ZNF326: variants seen among roughly 807,000 people sequenced by gnomAD.
ZNF326 encodes the protein DBIRD complex subunit ZNF326.
In ZNF326, 30 loss-of-function variants were observed where a neutral mutation model predicts 63.1. The ratio of observed to expected loss-of-function variants is 0.48; its 90% CI spans 0.36 to 0.64. The LOEUF is 0.64. ZNF326 is among the 30% of genes least tolerant of loss of function. ZNF326 has a pLI of 0.00. For missense variants in ZNF326, 609 were observed against 720.3 expected, an observed-to-expected ratio of 0.85 and a Z score of 1.77; for synonymous variants, 194 against 228.2, an observed-to-expected ratio of 0.85 and a Z score of 1.35.
chr1:90,025,078 A>G (rs1336949570), intron 11 of ZNF326, among the ~76,000 whole-genome samples: 1 of 144,198 alleles, frequency 6.9e-6, no homozygotes, highest in Non-Finnish European at 1.5e-5. Context: ...GGCCCACCCT[A>G]TTTTATCATC....
chr1:90,035,372 A>G lies in ZNF326; in HGVS notation c.*7671A>G, dbSNP rs1650440185. The G allele has an allele frequency of 1.3e-5, 2 of 152,226 alleles. No individual in the cohort carries two copies. The highest frequency in any genetic ancestry group is 2.9e-5 in the Non-Finnish European group (2 of 68,014). 9.4% of individuals were successfully genotyped at this position (152,226 alleles called of 1,614,324 possible). A position where few individuals can be genotyped will look rare whatever the true frequency, so the allele number is the denominator to read the frequency against. ...TCTGTACTATATAGAAAATCTGTAT[A>G]TAGAATATAGCATTGGCCAATTGGA... On this transcript the variant is annotated 3_prime_UTR_variant, in exon 12 of 12. Coordinates refer to ENST00000340281, the MANE Select transcript of ZNF326 (RefSeq NM_182976.4).
At chr1:90,003,881 CATT>C (rs1331832312) in intron 2 of ZNF326, among the ~76,000 whole-genome samples, 2 of 151,826 alleles carry the variant, frequency 1.3e-5, no homozygotes, top group South Asian at 2.1e-4. Context: ...TTATTGTTGT[CATT>C]ATTGTTGGGA....
chr1:90,001,554 A>ATT (rs879277848), intron 2 of ZNF326, among the ~76,000 whole-genome samples: 6 of 58,446 alleles, frequency 1.0e-4, no homozygotes, highest in Non-Finnish European at 1.8e-4. Context: ...GTCAGTTTTT[A>ATT]ATTTTTTTTT....
intron 9 of ZNF326, 132 bp from the exon 10 acceptor site, chr1:90,020,660 C>T (rs1649724558): frequency 1.3e-6 from 1 of 783,744 alleles, no homozygotes; most frequent in Non-Finnish European, 2.0e-6. Flanking sequence ...AAATACTCAG[C>T]ATAAACCTAT....
intron 2 of ZNF326, among the ~76,000 whole-genome samples, 197 bp downstream of exon 2, chr1:89,998,351 AT>A (rs199584280): frequency 6.7e-5 from 10 of 149,168 alleles, no homozygotes; most frequent in South Asian, 2.1e-4. Flanking sequence ...CATTAGTTTG[AT>A]TTTTTTTTTG....
At chr1:89,997,907 A>G (rs1290774416) in intron 1 of ZNF326, among the ~76,000 whole-genome samples, 1 of 152,166 alleles carries the variant, frequency 6.6e-6, no homozygotes, top group Non-Finnish European at 1.5e-5. Context: ...TAAACCTACC[A>G]TTTGGGGAGA....
At position 90,005,197 on chromosome 1, in the gene ZNF326, C is replaced by A; in HGVS notation, c.162C>A (p.Asn54Lys). 1 of 1,613,964 alleles carries A rather than the reference C, an allele frequency of 6.2e-7. No individual in the cohort carries two copies. The highest frequency in any genetic ancestry group is 1.1e-5 in the South Asian group (1 of 91,080). The change falls in exon 4 of 12, where the codon AAC (asparagine) becomes AAA (lysine). Residue 54 changes from asparagine to lysine, a missense_variant. Coordinates refer to ENST00000340281, the MANE Select transcript of ZNF326 (RefSeq NM_182976.4). ...GGQRSMDSYL[N>K]QSYGMDNHSG... The stretch of plus-strand genomic sequence containing the variant: ...AGAGATCCATGGATTCCTACCTAAA[C>A]CAGTCATATGGCATGGACAATCACA...
intron 11 of ZNF326, among the ~76,000 whole-genome samples, chr1:90,023,518 C>A (rs1050921224): frequency 1.3e-5 from 2 of 151,932 alleles, no homozygotes; most frequent in South Asian, 2.1e-4. Flanking sequence ...ATCTAATATT[C>A]GTTAATATTT....
intron 9 of ZNF326, 94 bp downstream of exon 9, chr1:90,018,878 AG>A (rs1302527475): frequency 9.2e-6 from 6 of 653,676 alleles, no homozygotes; most frequent in Non-Finnish European, 1.5e-5. Flanking sequence ...AGAGTGATAT[AG>A]TACAGTCATA....
rs1396882227 is a variant in ZNF326 at position 90,034,596 on chromosome 1, CAA to C, written c.*6900_*6901del. Reference sequence around the variant, plus strand: ...ATCCTGTCATCACAATGCAATGAAACAAAAAATTAGCAAGTGGATAGCAATAA... The same window carrying C: ...ATCCTGTCATCACAATGCAATGAAACAAAATTAGCAAGTGGATAGCAATAA... On this transcript the variant is annotated 3_prime_UTR_variant, in exon 12 of 12. Coordinates refer to ENST00000340281, the MANE Select transcript of ZNF326 (RefSeq NM_182976.4). The C allele has an allele frequency of 1.3e-5, 2 of 151,780 alleles. No individual in the cohort carries two copies. The highest frequency in any genetic ancestry group is 4.8e-5 in the African/African-American group (2 of 41,330). 9.4% of individuals were successfully genotyped at this position (151,780 alleles called of 1,614,324 possible).
At chr1:89,996,323 AT>A (rs1648372437) in intron 1 of ZNF326, among the ~76,000 whole-genome samples, 1 of 152,230 alleles carries the variant, frequency 6.6e-6, no homozygotes. Flanking sequence ...CACCAAAAAA[AT>A]GATCTTTAAA....
At chr1:90,023,606 G>A (rs560171947) in intron 11 of ZNF326, among the ~76,000 whole-genome samples, 1 of 152,232 alleles carries the variant, frequency 6.6e-6, no homozygotes, top group East Asian at 1.9e-4. Context: ...TTTATGAGAG[G>A]TATGGCATCA....
chr1:90,016,365 ACAGAAAC>A (rs1402388041), intron 7 of ZNF326, among the ~76,000 whole-genome samples: 4 of 152,158 alleles, frequency 2.6e-5, no homozygotes, highest in Admixed American at 1.3e-4. Context: ...GAGACTGGAG[ACAGAAAC>A]CAGTTATGTG....
Position 90,027,802 on chromosome 1 carries a change from C to T in ZNF326, c.*101C>T, listed in dbSNP as rs1351321773. On this transcript the variant is annotated 3_prime_UTR_variant, in exon 12 of 12. Transcript: ENST00000340281. ...AAAATATGAATTAACACCCATGTTG[C>T]ATGCATTCCACATATTAAAATTTGT... The T allele has an allele frequency of 2.4e-5, 25 of 1,055,282 alleles. No individual in the cohort carries two copies. In the South Asian group the frequency reaches 3.5e-4, roughly 15 times the overall value. The allele number at this position is 1,055,282 out of a possible 1,614,324, so 65.4% of individuals were successfully genotyped here. A position where few individuals can be genotyped will look rare whatever the true frequency, so the allele number is the denominator to read the frequency against.
At chr1:90,018,076 GA>G (rs1649584017) in intron 8 of ZNF326, among the ~76,000 whole-genome samples, 1 of 152,082 alleles carries the variant, frequency 6.6e-6, no homozygotes. Flanking sequence ...GGTGGATCAC[GA>G]GGTCAGGGGT....
chr1:90,027,306 T>C (rs764853349), intron 11 of ZNF326, 48 bp from the exon 12 acceptor site: 4 of 1,561,102 alleles, frequency 2.6e-6, no homozygotes, highest in East Asian at 4.5e-5. Flanking sequence ...TGCCAGATCA[T>C]GTAATAATGA....
At chr1:90,017,216 A>G in intron 7 of ZNF326, 101 bp from the exon 8 acceptor site, 1 of 843,856 alleles carries the variant, frequency 1.2e-6, no homozygotes, top group South Asian at 2.2e-5. Context: ...AAGAAAGGAA[A>G]TCATTTATGT....
chr1:89,995,150 C>A lies in ZNF326; in HGVS notation c.-108C>A, dbSNP rs904816149. 61 of 1,368,178 alleles carry A rather than the reference C, an allele frequency of 4.5e-5. No homozygotes were observed. The highest frequency in any genetic ancestry group is 7.6e-5 in the African/African-American group (5 of 66,054). The allele number at this position is 1,368,178 out of a possible 1,614,324, so 84.8% of individuals were successfully genotyped here. A position where few individuals can be genotyped will look rare whatever the true frequency, so the allele number is the denominator to read the frequency against. ...TGCGGCTCCCGGGCTGGTAGCGCGC[C>A]GCTCTCGGTCGCGCGGAGTGATCGT... On this transcript the variant is annotated 5_prime_UTR_variant, in exon 1 of 12. Coordinates refer to ENST00000340281, the MANE Select transcript of ZNF326 (RefSeq NM_182976.4).
Position 90,007,790 on chromosome 1 carries a change from C to A in ZNF326, c.615+40C>A. ...ATCTTTTCAGATTCTTTTCACTAGT[C>A]ACTCTTTTAAACCCTTTCAAGACCA... On this transcript the variant is annotated intron_variant, in intron 5 of 11. Transcript: ENST00000340281. The surrounding 1 kb of genome is among the most constrained non-coding windows in gnomAD (Gnocchi z 4.9). 1.4e-6 allele frequency: 2 copies of A among 1,469,574 alleles called. No homozygotes were observed. The highest frequency in any genetic ancestry group is 3.2e-5 in the South Asian group (2 of 63,274). 91.0% of individuals were successfully genotyped at this position (1,469,574 alleles called of 1,614,324 possible).
Sources: gnomAD v4.1 joint callset for allele counts (sites outside exome capture counted in the v4.1 genomes callset) on GRCh38, gnomAD v4.1.1 for gene constraint, Gnocchi (gnomAD v3.1) non-coding constraint, MANE v1.5 for transcripts, NCBI Gene and HGNC (gene_info 2026-07-23, HGNC 2026-07-21) for gene names.